The following PITPNM2 variants were observed in gnomAD, a reference collection of about 807,000 sequenced individuals.
The protein encoded by PITPNM2 is membrane-associated phosphatidylinositol transfer protein 2.
Under a neutral mutation model 132.2 loss-of-function variants are expected in PITPNM2, and 35 were observed. The observed-to-expected ratio is 0.26, with a 90% CI of 0.20 to 0.35. PITPNM2 has a LOEUF of 0.35. Ranked by LOEUF, PITPNM2 falls within the 10% of genes least tolerant of loss-of-function variation. The pLI is 1.00. For missense variants in PITPNM2, 1,332 were observed against 1,912.0 expected (o/e 0.70, Z 5.66); for synonymous variants, 738 against 799.2 (o/e 0.92, Z 1.29).
At chr12:123,032,180 CA>C (rs1156411123) in intron 3 of PITPNM2, among the ~76,000 whole-genome samples, 2 of 152,092 alleles carry the variant, frequency 1.3e-5, no homozygotes, top group Non-Finnish European at 2.9e-5. Flanking sequence ...GATAGGTGTT[CA>C]AAAAAACCCT....
chr12:123,122,759 T>A (rs2043056887), intron 1 of PITPNM2, among the ~76,000 whole-genome samples: 1 of 152,204 alleles, frequency 6.6e-6, no homozygotes, highest in Non-Finnish European at 1.5e-5. Flanking sequence ...CTAATGGGAA[T>A]GAACAGTCTT....
chr12:123,097,731 G>A lies in PITPNM2; in HGVS notation c.-96+12654C>T, dbSNP rs775367274. On this transcript the variant is annotated intron_variant, in intron 2 of 25. Transcript: ENST00000320201. This position sits in a 1 kb window ranked among gnomAD's most constrained non-coding sequence, Gnocchi z 4.7. ...GTGCCTATATTTATCGCCCAAAGCC[G>A]CTGGGATAATGGCAAGGCCAGAAAT... Among the ~76,000 whole-genome samples, 12 of 152,152 alleles carry A rather than the reference G, an allele frequency of 7.9e-5. No individual in the cohort carries two copies. Among genetic ancestry groups the A allele is most frequent in the Admixed American group, 2.0e-4 (3 of 15,286 alleles).
At chr12:123,051,909 C>CTTT (rs59131741) in intron 2 of PITPNM2, among the ~76,000 whole-genome samples, 1 of 143,564 alleles carries the variant, frequency 7.0e-6, no homozygotes, top group Non-Finnish European at 1.5e-5. Flanking sequence ...CCATTCTATT[C>CTTT]TTTTTTTTTT....
At chr12:123,024,253 G>A (rs2039774771) in intron 3 of PITPNM2, among the ~76,000 whole-genome samples, 1 of 152,180 alleles carries the variant, frequency 6.6e-6, no homozygotes, top group African/African-American at 2.4e-5. Context: ...TCACTGGGGC[G>A]GTTAAAAAGA....
chr12:123,065,746 A>C (rs2041389222), intron 2 of PITPNM2, among the ~76,000 whole-genome samples: 1 of 152,146 alleles, frequency 6.6e-6, no homozygotes, highest in African/African-American at 2.4e-5. Context: ...TGGGAGCCTT[A>C]GGGGACATCA....
intron 2 of PITPNM2, among the ~76,000 whole-genome samples, chr12:123,072,000 G>C (rs2041633263): frequency 6.6e-6 from 1 of 152,242 alleles, no homozygotes; most frequent in Admixed American, 6.5e-5. Context: ...AATGAAGTCA[G>C]GCGGAAGGAG....
intron 1 of PITPNM2, among the ~76,000 whole-genome samples, chr12:123,114,040 T>C (rs1160511913): frequency 6.6e-6 from 1 of 152,250 alleles, no homozygotes; most frequent in African/African-American, 2.4e-5. Context: ...TTTCTTGTTA[T>C]GATGGAGTAA....
At position 123,095,704 on chromosome 12, in the gene PITPNM2, T is replaced by C. The variant is rs940375091; in HGVS notation, c.-96+14681A>G. 3.9e-5 allele frequency among the ~76,000 whole-genome samples: 6 copies of C among 152,134 alleles called. No individual in the cohort carries two copies. Among genetic ancestry groups the C allele is most frequent in the Admixed American group, 2.0e-4 (3 of 15,284 alleles). ...CTGCAGCTCAGCCCCAGCCAGACTC[T>C]CACAGACAGGAGCCCATGGGGCTCC... On this transcript the variant is annotated intron_variant, in intron 2 of 25. Coordinates refer to ENST00000320201, the MANE Select transcript of PITPNM2 (RefSeq NM_020845.3). The surrounding 1 kb of genome is among the most constrained non-coding windows in gnomAD (Gnocchi z 5.0).
At chr12:123,051,953 A>T (rs1429388258) in intron 2 of PITPNM2, among the ~76,000 whole-genome samples, 1 of 148,734 alleles carries the variant, frequency 6.7e-6, no homozygotes, top group Non-Finnish European at 1.5e-5. Context: ...CCCATGCTGG[A>T]GTGCCGTGGC....
chr12:123,068,279 A>G (rs2041500363), intron 2 of PITPNM2, among the ~76,000 whole-genome samples: 1 of 152,088 alleles, frequency 6.6e-6, no homozygotes, highest in African/African-American at 2.4e-5. Flanking sequence ...CATCCTGGCT[A>G]ACACGGTGAA....
Position 123,000,311 on chromosome 12 carries a change from A to G in PITPNM2, c.1224+467T>C. ...CGAAGCGGATACAGGCGCTCTACCA[A>G]GACAGTTTTATTGGACACACTGAGC... On this transcript the variant is annotated intron_variant, in intron 10 of 25. Transcript: ENST00000320201. The surrounding 1 kb of genome is among the most constrained non-coding windows in gnomAD (Gnocchi z 5.4). 1.5e-6 allele frequency: 1 copy of G among 673,172 alleles called. No homozygotes were observed. The highest frequency in any genetic ancestry group is 1.6e-5 in the South Asian group (1 of 64,458). The allele number at this position is 673,172 out of a possible 1,614,324, so 41.7% of individuals were successfully genotyped here.
chr12:123,074,503 C>T (rs2041716382), intron 2 of PITPNM2, among the ~76,000 whole-genome samples: 1 of 151,882 alleles, frequency 6.6e-6, no homozygotes, highest in African/African-American at 2.4e-5. Flanking sequence ...TATAAATACA[C>T]ACATGTCCAT....
chr12:123,139,936 A>T (rs2043468104), intron 1 of PITPNM2, among the ~76,000 whole-genome samples: 1 of 152,124 alleles, frequency 6.6e-6, no homozygotes, highest in South Asian at 2.1e-4. Context: ...GATTTAATTA[A>T]ATCCCTCTTT....
rs1050575742 is a variant in PITPNM2, at chr12:123,068,550, C to T, written c.-95-33865G>A. The stretch of plus-strand genomic sequence containing the variant: ...CTAAGCAGACAGCCTTAAGAACTAA[C>T]GCAGGGACTGCAGGTCTTTCTAATC... On this transcript the variant is annotated intron_variant, in intron 2 of 25. Transcript: ENST00000320201. Among the ~76,000 whole-genome samples, 25 of 152,226 alleles carry T rather than the reference C, an allele frequency of 1.6e-4. No homozygotes were observed. The South Asian group carries it at 2.7e-3, about 16-fold the overall frequency.
Position 122,994,768 on chromosome 12 carries a change from G to A in PITPNM2, c.2233+33C>T, listed in dbSNP as rs368260718. ...ACCCCCGCCCCCGCACCCAGTGCATGTACCCCCCATCCTGCCCCTGCTGGG... is the reference window on the plus strand; with the variant it reads ...ACCCCCGCCCCCGCACCCAGTGCATATACCCCCCATCCTGCCCCTGCTGGG... On this transcript the variant is annotated intron_variant, in intron 15 of 25. Coordinates refer to ENST00000320201, the MANE Select transcript of PITPNM2 (RefSeq NM_020845.3). The surrounding 1 kb of genome is among the most constrained non-coding windows in gnomAD (Gnocchi z 5.4). 3.8e-5 allele frequency: 60 copies of A among 1,592,228 alleles called. No individual in the cohort carries two copies. The African/African-American group carries it at 6.2e-4, about 16-fold the overall frequency.
chr12:122,986,016 C>A lies in PITPNM2; in HGVS notation c.*11G>T. ...AGCACCATGGAGACCCCGCGCTGCA[C>A]TCACGGTGCCCTACTTGGGGCCCGC... On this transcript the variant is annotated 3_prime_UTR_variant, in exon 26 of 26. Transcript: ENST00000320201. 3 of 1,393,778 alleles carry A rather than the reference C, an allele frequency of 2.2e-6. No individual in the cohort carries two copies. Among genetic ancestry groups the A allele is most frequent in the Non-Finnish European group, 2.8e-6 (3 of 1,085,140 alleles). The allele number at this position is 1,393,778 out of a possible 1,614,324, so 86.3% of individuals were successfully genotyped here. A position where few individuals can be genotyped will look rare whatever the true frequency, so the allele number is the denominator to read the frequency against.
At chr12:123,139,513 A>C (rs78568985) in intron 1 of PITPNM2, among the ~76,000 whole-genome samples, 7 of 150,914 alleles carry the variant, frequency 4.6e-5, no homozygotes, top group South Asian at 4.2e-4. Flanking sequence ...AAAAAAAAAA[A>C]AACAACAGAC....
chr12:123,048,022 C>T (rs536568176), intron 2 of PITPNM2, among the ~76,000 whole-genome samples: 2 of 151,524 alleles, frequency 1.3e-5, no homozygotes, highest in Admixed American at 1.3e-4. Context: ...TCACTTGAAC[C>T]TGGGAGGTGG....
chr12:123,070,360 G>A (rs558002106), intron 2 of PITPNM2, among the ~76,000 whole-genome samples: 10 of 152,308 alleles, frequency 6.6e-5, no homozygotes, highest in African/African-American at 2.4e-4. Flanking sequence ...GAAGGGGTTT[G>A]AGCTGGACCG....
Sources: allele counts gnomAD v4.1 joint callset (sites outside exome capture counted in the v4.1 genomes callset), GRCh38; gene constraint gnomAD v4.1.1; non-coding constraint Gnocchi (gnomAD v3.1); transcripts MANE v1.5; gene names NCBI Gene and HGNC (gene_info 2026-07-23, HGNC 2026-07-21).